SCHIP1: variants seen among roughly 807,000 people sequenced by gnomAD.
SCHIP1 encodes schwannomin interacting protein 1.
SCHIP1 carries 8 observed loss-of-function variants against 29.7 expected under a neutral mutation model. The ratio of observed to expected loss-of-function variants is 0.27; its 90% confidence interval spans 0.16 to 0.49. The LOEUF is 0.49. Ranked by LOEUF, SCHIP1 falls within the 20% of genes least tolerant of loss-of-function variation. SCHIP1 has a pLI of 0.99. For synonymous variants in SCHIP1, 76 were observed against 94.9 expected (o/e 0.80, Z 1.16); for missense variants, 193 against 294.6 (o/e 0.66, Z 2.52).
At chr3:159,380,879 C>G in the SCHIP1 span, among the ~76,000 whole-genome samples, 1 of 152,148 alleles carries the variant, frequency 6.6e-6, no homozygotes, top group East Asian at 1.9e-4. Context: ...ATCTCTTTCT[C>G]AAGCAGTGGA....
chr3:159,425,378 C>T, the SCHIP1 span, among the ~76,000 whole-genome samples: 4 of 149,992 alleles, frequency 2.7e-5, no homozygotes, highest in Admixed American at 1.3e-4. Context: ...CAAAAAAAGG[C>T]AGGGGTTGCA....
chr3:159,492,476 C>T, the SCHIP1 span, among the ~76,000 whole-genome samples: 34 of 152,094 alleles, frequency 2.2e-4, no homozygotes, highest in African/African-American at 7.2e-4. Context: ...GTAACTGAGG[C>T]GATCAACTGG....
chr3:159,880,353 A>G (rs939258537), intron 2 of SCHIP1, among the ~76,000 whole-genome samples: 4 of 152,152 alleles, frequency 2.6e-5, no homozygotes, highest in Non-Finnish European at 4.4e-5. Flanking sequence ...TTAACACCTT[A>G]TTAATGTCCA....
chr3:159,580,822 T>C, the SCHIP1 span, among the ~76,000 whole-genome samples: 1 of 152,172 alleles, frequency 6.6e-6, no homozygotes, highest in East Asian at 1.9e-4. Flanking sequence ...TAAGAGATGG[T>C]TATCTTTTCT....
chr3:159,881,084 C>T (rs1276287755), intron 2 of SCHIP1, among the ~76,000 whole-genome samples: 5 of 152,176 alleles, frequency 3.3e-5, no homozygotes, highest in South Asian at 2.1e-4. Context: ...TTTAACCTAA[C>T]TGAACACATT....
At chr3:159,557,428 C>T in the SCHIP1 span, among the ~76,000 whole-genome samples, 3 of 152,028 alleles carry the variant, frequency 2.0e-5, no homozygotes, top group Non-Finnish European at 2.9e-5. Flanking sequence ...TTTCATAATC[C>T]ATAGAAGGAC....
At chr3:159,454,880 C>G in the SCHIP1 span, among the ~76,000 whole-genome samples, 4 of 152,158 alleles carry the variant, frequency 2.6e-5, no homozygotes, top group Non-Finnish European at 1.5e-5. Flanking sequence ...ATTTGTATAT[C>G]GTGTATTTAA....
chr3:159,798,751 C>CT, the SCHIP1 span, among the ~76,000 whole-genome samples: 3 of 151,910 alleles, frequency 2.0e-5, no homozygotes, highest in African/African-American at 4.8e-5. Context: ...GAGTGAGACT[C>CT]TGTCTCAAAA....
chr3:159,862,338 C>T (rs775263160), intron 1 of SCHIP1, among the ~76,000 whole-genome samples: 30 of 152,206 alleles, frequency 2.0e-4, no homozygotes, highest in Admixed American at 8.5e-4. Context: ...GATCCTACTG[C>T]TCCTGCCTAA....
At chr3:159,623,906 A>G in the SCHIP1 span, among the ~76,000 whole-genome samples, 665 of 152,288 alleles carry the variant, frequency 4.4e-3, 2 homozygotes, top group African/African-American at 0.015. Context: ...TGCTAAGTCC[A>G]TGATAAAAGG....
At chr3:159,774,716 C>T in the SCHIP1 span, among the ~76,000 whole-genome samples, 1 of 152,130 alleles carries the variant, frequency 6.6e-6, no homozygotes, top group Non-Finnish European at 1.5e-5. Flanking sequence ...CTTGTAAACC[C>T]ATTTTTTTGC....
At chr3:159,698,656 T>C in the SCHIP1 span, among the ~76,000 whole-genome samples, 2 of 152,170 alleles carry the variant, frequency 1.3e-5, no homozygotes, top group African/African-American at 4.8e-5. Context: ...TATTTTTTCT[T>C]GAGGCAGGGT....
At chr3:159,775,692 G>A in the SCHIP1 span, among the ~76,000 whole-genome samples, 1 of 152,324 alleles carries the variant, frequency 6.6e-6, no homozygotes, top group South Asian at 2.1e-4. Context: ...ACCCAGCTGT[G>A]CCAGTGTTGG....
the SCHIP1 span, among the ~76,000 whole-genome samples, chr3:159,466,421 G>A: frequency 8.5e-5 from 13 of 152,222 alleles, no homozygotes; most frequent in South Asian, 1.5e-3. Context: ...CTTGGTTTCC[G>A]AATGTGTACA....
intron 6 of SCHIP1, chr3:159,892,590 C>A (rs1437192863): frequency 3.0e-5 from 9 of 297,408 alleles, no homozygotes; most frequent in Non-Finnish European, 4.3e-5. Context: ...TGATCCAGTT[C>A]TTGATCGCCT....
chr3:159,509,288 A>C, the SCHIP1 span, among the ~76,000 whole-genome samples: 1 of 152,288 alleles, frequency 6.6e-6, no homozygotes, highest in East Asian at 1.9e-4. Flanking sequence ...CTAGGATTGC[A>C]ACCCCTGCCT....
the SCHIP1 span, among the ~76,000 whole-genome samples, chr3:159,730,038 A>G: frequency 6.6e-6 from 1 of 152,272 alleles, no homozygotes; most frequent in Admixed American, 6.5e-5. Context: ...CATATGAAAT[A>G]AATGGCATCA....
At chr3:159,505,692 A>G in the SCHIP1 span, among the ~76,000 whole-genome samples, 3 of 151,778 alleles carry the variant, frequency 2.0e-5, no homozygotes, top group Non-Finnish European at 4.4e-5. Context: ...TCATTGTTCG[A>G]TTCCCACCTA....
At chr3:159,741,072 C>A in the SCHIP1 span, among the ~76,000 whole-genome samples, 4 of 152,194 alleles carry the variant, frequency 2.6e-5, no homozygotes, top group Non-Finnish European at 5.9e-5. Flanking sequence ...AGCTCTTAAG[C>A]TCCCTGAAGA....
Sources: gnomAD v4.1 joint callset for allele counts (sites outside exome capture counted in the v4.1 genomes callset) on GRCh38, gnomAD v4.1.1 for gene constraint, MANE v1.5 for transcripts, NCBI Gene and HGNC (gene_info 2026-07-23, HGNC 2026-07-21) for gene names.